Variants in DOCK10 observed in about 807,000 individuals in gnomAD.
DOCK10 encodes dedicator of cytokinesis protein 10.
DOCK10 carries 145 observed loss-of-function variants against 280.1 expected under a neutral mutation model. The observed-to-expected ratio is 0.52, with a 90% CI of 0.45 to 0.59. The LOEUF is 0.59. Ranked by LOEUF, DOCK10 falls within the 20% of genes least tolerant of loss-of-function variation. The pLI is 0.00. For missense variants in DOCK10, 2,368 were observed against 2,651.7 expected, an observed-to-expected ratio of 0.89 and a Z score of 2.35; for synonymous variants, 915 against 942.2, an observed-to-expected ratio of 0.97 and a Z score of 0.53.
intron 1 of DOCK10, among the ~76,000 whole-genome samples, chr2:224,954,005 C>T (rs1213449024): frequency 6.6e-6 from 1 of 151,966 alleles, no homozygotes; most frequent in Non-Finnish European, 1.5e-5. Flanking sequence ...TATGTCTGTA[C>T]AGGTATATAG....
intron 3 of DOCK10, among the ~76,000 whole-genome samples, chr2:224,912,294 C>G (rs1371730919): frequency 7.2e-5 from 11 of 151,946 alleles, no homozygotes; most frequent in African/African-American, 2.2e-4. Context: ...TGCCACTACT[C>G]CCGGGTAATT....
chr2:224,971,469 G>A (rs1274583244), intron 1 of DOCK10, among the ~76,000 whole-genome samples: 1 of 152,120 alleles, frequency 6.6e-6, no homozygotes, highest in Non-Finnish European at 1.5e-5. Context: ...GGCTTGCAGG[G>A]AAGGTGGCAG....
intron 1 of DOCK10, among the ~76,000 whole-genome samples, chr2:225,014,084 G>GTATATATTT (rs1689521989): frequency 9.6e-6 from 1 of 104,448 alleles, no homozygotes; most frequent in African/African-American, 4.9e-5. Flanking sequence ...TGAATATATT[G>GTATATATTT]TTTTTTTTTT....
chr2:224,992,577 T>C (rs1167959023), intron 1 of DOCK10, among the ~76,000 whole-genome samples: 1 of 152,226 alleles, frequency 6.6e-6, no homozygotes, highest in African/African-American at 2.4e-5. Flanking sequence ...GATAAGATAA[T>C]GTTTAGCCTC....
chr2:224,848,580 T>C (rs1413423600), intron 19 of DOCK10, among the ~76,000 whole-genome samples: 4 of 152,226 alleles, frequency 2.6e-5, no homozygotes, highest in Non-Finnish European at 5.9e-5. Flanking sequence ...CACAGTTTTC[T>C]CATCCATCAA....
intron 1 of DOCK10, among the ~76,000 whole-genome samples, chr2:225,029,346 A>C (rs1434993600): frequency 1.3e-5 from 2 of 151,962 alleles, no homozygotes; most frequent in African/African-American, 4.8e-5. Flanking sequence ...TAACTTTTGT[A>C]TTTTTAGTAG....
chr2:225,023,862 G>A (rs1439308913), intron 1 of DOCK10, among the ~76,000 whole-genome samples: 2 of 152,206 alleles, frequency 1.3e-5, no homozygotes, highest in East Asian at 3.9e-4. Context: ...ATAAAAAGCA[G>A]CGGGGGAATC....
intron 34 of DOCK10, 21 bp downstream of exon 34, chr2:224,806,104 GT>G: frequency 2.8e-6 from 4 of 1,404,828 alleles, no homozygotes; most frequent in Non-Finnish European, 3.0e-6. Flanking sequence ...AAAAATAAGT[GT>G]TCTCAGAAGA....
intron 31 of DOCK10, among the ~76,000 whole-genome samples, chr2:224,809,509 C>A (rs1187460608): frequency 1.3e-5 from 2 of 151,966 alleles, no homozygotes; most frequent in Non-Finnish European, 2.9e-5. Context: ...AACAAACAAA[C>A]AAACAAAAAC....
intron 1 of DOCK10, among the ~76,000 whole-genome samples, chr2:225,040,490 A>T (rs1690388618): frequency 6.7e-6 from 1 of 148,836 alleles, no homozygotes. Flanking sequence ...TTCAAATCTG[A>T]CATAATTTTG....
At chr2:224,996,731 G>A (rs1706282298) in intron 1 of DOCK10, among the ~76,000 whole-genome samples, 1 of 152,198 alleles carries the variant, frequency 6.6e-6, no homozygotes, top group Non-Finnish European at 1.5e-5. Flanking sequence ...TAGTGAAGAG[G>A]TCCCATAGTG....
At chr2:224,923,103 A>T (rs1176949994) in intron 2 of DOCK10, among the ~76,000 whole-genome samples, 2 of 152,230 alleles carry the variant, frequency 1.3e-5, no homozygotes, top group Non-Finnish European at 2.9e-5. Flanking sequence ...GTTTAAATAT[A>T]TGAGAATATT....
intron 43 of DOCK10, among the ~76,000 whole-genome samples, 162 bp downstream of exon 43, chr2:224,796,802 G>C (rs1162310107): frequency 6.6e-6 from 1 of 152,154 alleles, no homozygotes; most frequent in East Asian, 1.9e-4. Flanking sequence ...CTGCCCAGCT[G>C]TGCCCCTACT....
At chr2:225,040,428 A>G (rs2106150811) in intron 1 of DOCK10, among the ~76,000 whole-genome samples, 1 of 150,708 alleles carries the variant, frequency 6.6e-6, no homozygotes, top group East Asian at 2.0e-4. Context: ...CCCCTCCCCC[A>G]CCTCTTTTTA....
intron 2 of DOCK10, among the ~76,000 whole-genome samples, chr2:224,923,475 C>T (rs1701880050): frequency 6.6e-6 from 1 of 152,144 alleles, no homozygotes; most frequent in African/African-American, 2.4e-5. Context: ...GGTGCTCCAA[C>T]AATATAAAGA....
chr2:224,864,634 C>G lies in DOCK10; in HGVS notation c.1521G>C (p.Leu507Phe), dbSNP rs1322900621. The change falls in exon 13 of 56, where the codon TTG becomes TTC. Residue 507 changes from leucine to phenylalanine, a missense_variant. Coordinates refer to ENST00000258390, the MANE Select transcript of DOCK10 (RefSeq NM_014689.3). Reference protein sequence around the residue: ...SVSNPHSEIVLVAKIEKVLMG... With the variant: ...SVSNPHSEIVFVAKIEKVLMG... Reference sequence around the variant, plus strand: ...TCAAGACTTTTTCGATTTTGGCCACCAAAACAATTTCAGAATGTGGATTGC... The same window carrying G: ...TCAAGACTTTTTCGATTTTGGCCACGAAAACAATTTCAGAATGTGGATTGC... 1 of 1,613,196 alleles carries G rather than the reference C, an allele frequency of 6.2e-7. No homozygotes were observed. Among genetic ancestry groups the G allele is most frequent in the Non-Finnish European group, 8.5e-7 (1 of 1,179,764 alleles).
intron 1 of DOCK10, among the ~76,000 whole-genome samples, chr2:224,966,257 C>T (rs1226649375): frequency 2.0e-5 from 3 of 151,992 alleles, no homozygotes; most frequent in Non-Finnish European, 4.4e-5. Flanking sequence ...AAAATTATAT[C>T]GGCAACTAGG....
intron 1 of DOCK10, among the ~76,000 whole-genome samples, chr2:225,014,099 T>TG (rs975075528): frequency 5.6e-5 from 3 of 53,336 alleles, no homozygotes; most frequent in African/African-American, 3.2e-4. Context: ...TTTTTTTTTG[T>TG]TTTTTTTTTT....
chr2:224,845,848 C>T (rs1696314734), intron 19 of DOCK10, among the ~76,000 whole-genome samples: 1 of 152,196 alleles, frequency 6.6e-6, no homozygotes, highest in African/African-American at 2.4e-5. Context: ...CTTAGTCTCC[C>T]CAGTAGCTGG....
Sources: allele counts gnomAD v4.1 joint callset (sites outside exome capture counted in the v4.1 genomes callset), GRCh38; gene constraint gnomAD v4.1.1; transcripts MANE v1.5; gene names NCBI Gene and HGNC (gene_info 2026-07-23, HGNC 2026-07-21).